MCPH1: variants seen among roughly 807,000 people sequenced by gnomAD.
The protein encoded by MCPH1 is microcephalin.
In MCPH1, 104 loss-of-function variants were observed where a neutral mutation model predicts 84.5. That is an observed-to-expected ratio of 1.23 (90% CI 1.05 to 1.45). MCPH1 has a LOEUF of 1.45. Among genes scored for constraint, MCPH1 ranks in the 40% most tolerant of loss-of-function variants. The probability of loss-of-function intolerance (pLI) is 0.00; values close to 1 mark genes in which losing one functional copy is unlikely to be tolerated. For synonymous variants in MCPH1, 514 were observed against 366.8 expected, an observed-to-expected ratio of 1.40 and a Z score of -4.58; for missense variants, 1,498 against 1,005.7, an observed-to-expected ratio of 1.49 and a Z score of -6.62.
chr8:6,422,161 G>A (rs1415016311), intron 3 of MCPH1, among the ~76,000 whole-genome samples: 2 of 152,146 alleles, frequency 1.3e-5, no homozygotes, highest in Admixed American at 6.5e-5. Context: ...ATTGTAATGT[G>A]GATTCCAAGA....
intron 12 of MCPH1, among the ~76,000 whole-genome samples, chr8:6,506,298 T>A (rs2129564865): frequency 6.6e-6 from 1 of 152,230 alleles, no homozygotes; most frequent in East Asian, 1.9e-4. Flanking sequence ...GCTGGTTCAT[T>A]CATGGTCCAG....
At chr8:6,507,992 G>A (rs1412377520) in intron 12 of MCPH1, 1 of 152,160 alleles carries the variant, frequency 6.6e-6, no homozygotes, top group Non-Finnish European at 1.5e-5. Flanking sequence ...TGGCTTATGA[G>A]TGTGGTTTTC....
intron 12 of MCPH1, among the ~76,000 whole-genome samples, chr8:6,586,041 G>A (rs986612985): frequency 1.3e-5 from 2 of 152,192 alleles, no homozygotes; most frequent in Non-Finnish European, 2.9e-5. Context: ...GCTCACTGCA[G>A]CCTTGACCTC....
At chr8:6,554,753 G>A (rs1454646271) in intron 12 of MCPH1, among the ~76,000 whole-genome samples, 1 of 152,170 alleles carries the variant, frequency 6.6e-6, no homozygotes, top group Non-Finnish European at 1.5e-5. Flanking sequence ...GGAGCCCTCG[G>A]AGGGAGCGGG....
chr8:6,519,714 C>G lies in MCPH1; in HGVS notation c.2214+19785C>G, dbSNP rs571237109. The G allele has an allele frequency of 2.3e-4, 210 of 920,570 alleles. 3 individuals carry two copies. The South Asian group carries it at 5.4e-3, about 24-fold the overall frequency. 57.0% of individuals were successfully genotyped at this position (920,570 alleles called of 1,614,324 possible). ...GCACTTAGAGCCCTTGGCAAGCACT[C>G]TAGGCGAGGTAGCTGCCCAGTAACT... On this transcript the variant is annotated intron_variant, in intron 12 of 13. Coordinates refer to ENST00000344683, the MANE Select transcript of MCPH1 (RefSeq NM_024596.5).
At chr8:6,513,064 C>T (rs373331928) in intron 12 of MCPH1, among the ~76,000 whole-genome samples, 8 of 152,328 alleles carry the variant, frequency 5.3e-5, no homozygotes, top group East Asian at 3.9e-4. Flanking sequence ...ATCATGGGAA[C>T]ACTTACTATT....
At chr8:6,633,222 A>C (rs1291492277) in intron 13 of MCPH1, among the ~76,000 whole-genome samples, 1 of 149,110 alleles carries the variant, frequency 6.7e-6, no homozygotes, top group Non-Finnish European at 1.5e-5. Context: ...ATAAAAAAAA[A>C]TTACAAGAAT....
At chr8:6,503,631 AGT>A (rs1812645710) in intron 12 of MCPH1, among the ~76,000 whole-genome samples, 4 of 152,222 alleles carry the variant, frequency 2.6e-5, no homozygotes, top group Non-Finnish European at 4.4e-5. Context: ...ATTACTTTGC[AGT>A]CCCAGCAACA....
At chr8:6,582,185 G>C (rs1356970555) in intron 12 of MCPH1, among the ~76,000 whole-genome samples, 2 of 152,220 alleles carry the variant, frequency 1.3e-5, no homozygotes, top group South Asian at 2.1e-4. Flanking sequence ...CAGCACACTA[G>C]AGATGGACAT....
intron 13 of MCPH1, among the ~76,000 whole-genome samples, chr8:6,629,195 G>C (rs981550311): frequency 9.9e-5 from 15 of 152,260 alleles, no homozygotes; most frequent in Non-Finnish European, 7.3e-5. Flanking sequence ...AGGCGTGGTG[G>C]CTTACGCCTA....
chr8:6,460,307 C>T (rs1404848777), intron 9 of MCPH1, among the ~76,000 whole-genome samples: 2 of 152,028 alleles, frequency 1.3e-5, no homozygotes, highest in Non-Finnish European at 2.9e-5. Flanking sequence ...CTTTTTAAGT[C>T]TATTCTGATG....
intron 12 of MCPH1, among the ~76,000 whole-genome samples, chr8:6,574,404 A>T (rs1022817102): frequency 6.6e-6 from 1 of 151,760 alleles, no homozygotes; most frequent in South Asian, 2.1e-4. Context: ...AGCCCACCCC[A>T]CTCCAGGAGG....
intron 13 of MCPH1, among the ~76,000 whole-genome samples, chr8:6,632,575 C>T (rs1586879795): frequency 6.6e-6 from 1 of 152,048 alleles, no homozygotes; most frequent in South Asian, 2.1e-4. Context: ...TTTGGAAGGC[C>T]GAGGGGGGCG....
intron 12 of MCPH1, among the ~76,000 whole-genome samples, chr8:6,575,540 T>G (rs549499140): frequency 2.6e-5 from 4 of 152,214 alleles, no homozygotes; most frequent in Admixed American, 2.6e-4. Context: ...TTACAAGATA[T>G]AATTAGTAGC....
intron 11 of MCPH1, among the ~76,000 whole-genome samples, chr8:6,495,101 T>C (rs1811091743): frequency 6.6e-6 from 1 of 151,920 alleles, no homozygotes; most frequent in African/African-American, 2.4e-5. Context: ...CAGTTCAAGC[T>C]GGTCTCTTTG....
chr8:6,633,509 G>A (rs921988330), intron 13 of MCPH1, among the ~76,000 whole-genome samples: 1 of 152,090 alleles, frequency 6.6e-6, no homozygotes, highest in African/African-American at 2.4e-5. Flanking sequence ...CTTTTTGAGT[G>A]CCAATCTGTC....
intron 12 of MCPH1, chr8:6,532,300 G>A (rs1819669885): frequency 6.2e-7 from 1 of 1,613,442 alleles, no homozygotes; most frequent in African/African-American, 1.3e-5. Flanking sequence ...CTAGCTGCAG[G>A]GACACCGTGT....
At chr8:6,415,511 G>C (rs767326394) in intron 3 of MCPH1, among the ~76,000 whole-genome samples, 36 of 151,852 alleles carry the variant, frequency 2.4e-4, no homozygotes, top group Non-Finnish European at 4.9e-4. Context: ...GCACCACCAT[G>C]CCTGGCTAAT....
intron 9 of MCPH1, among the ~76,000 whole-genome samples, chr8:6,476,624 G>C (rs1808494094): frequency 6.6e-6 from 1 of 152,122 alleles, no homozygotes; most frequent in Non-Finnish European, 1.5e-5. Context: ...ACAGAGACAA[G>C]ATCTCTATAA....
Sources: allele counts gnomAD v4.1 joint callset (sites outside exome capture counted in the v4.1 genomes callset), GRCh38; gene constraint gnomAD v4.1.1; transcripts MANE v1.5; gene names NCBI Gene and HGNC (gene_info 2026-07-23, HGNC 2026-07-21).